The following HYAL4 variants were observed in gnomAD, a reference collection of about 807,000 sequenced individuals.
HYAL4 encodes the protein hyaluronidase-4.
A neutral mutation model predicts 35.2 loss-of-function variants in HYAL4; 37 were observed. That is an observed-to-expected ratio of 1.05 (90% CI 0.81 to 1.38). HYAL4 has a LOEUF of 1.38. Ranked by LOEUF, HYAL4 falls within the 40% of genes most tolerant of loss-of-function variation. The pLI is 0.00. For missense variants in HYAL4, 572 were observed against 572.4 expected (o/e 1.00, Z 0.01); for synonymous variants, 198 against 203.2 (o/e 0.97, Z 0.22).
chr7:123,833,266 G>A lies in HYAL4; in HGVS notation c.-257+4142G>A, dbSNP rs190217832. ...TATTATTTTTTGATTTTTTGATGACGGCCATTCTTGCAGGAGTAAGGTGGT... is the reference window on the plus strand; with the variant it reads ...TATTATTTTTTGATTTTTTGATGACAGCCATTCTTGCAGGAGTAAGGTGGT... On this transcript the variant is annotated intron_variant, in intron 1 of 4. Transcript: ENST00000489978. Among the ~76,000 whole-genome samples, 19 of 152,124 alleles carry A rather than the reference G, an allele frequency of 1.2e-4. No individual in the cohort carries two copies. In the East Asian group the frequency reaches 1.4e-3, roughly 11 times the overall value.
intron 1 of HYAL4, among the ~76,000 whole-genome samples, chr7:123,845,974 T>C (rs1390190171): frequency 6.6e-6 from 1 of 152,178 alleles, no homozygotes; most frequent in Admixed American, 6.5e-5. Context: ...GCACTGAGGG[T>C]TGTCTGCACA....
chr7:123,788,956 C>T, the HYAL4 span, among the ~76,000 whole-genome samples: 12 of 152,156 alleles, frequency 7.9e-5, no homozygotes, highest in Non-Finnish European at 8.8e-5. Context: ...ATATTCACCA[C>T]GAGACCACCA....
chr7:123,831,500 A>G (rs1459291752), intron 1 of HYAL4, among the ~76,000 whole-genome samples: 1 of 152,198 alleles, frequency 6.6e-6, no homozygotes, highest in Non-Finnish European at 1.5e-5. Flanking sequence ...GGTTTGGTTC[A>G]ACAACTTCTT....
chr7:123,828,427 T>TAC (rs34327472), upstream of HYAL4, among the ~76,000 whole-genome samples: 26,617 of 141,186 alleles, frequency 0.19, 2,585 homozygotes, highest in African/African-American at 0.27. Context: ...TGTTCATAAT[T>TAC]ACACACACAC....
chr7:123,803,526 C>T, the HYAL4 span, among the ~76,000 whole-genome samples: 33 of 152,108 alleles, frequency 2.2e-4, no homozygotes, highest in African/African-American at 7.7e-4. Flanking sequence ...TACACTATAC[C>T]GTCCTCCCAA....
the HYAL4 span, among the ~76,000 whole-genome samples, chr7:123,773,782 A>G: frequency 6.6e-6 from 1 of 152,220 alleles, no homozygotes; most frequent in Admixed American, 6.5e-5. Context: ...GGAATTTTTA[A>G]TTTTTCAGAT....
chr7:123,811,452 T>C, the HYAL4 span, among the ~76,000 whole-genome samples: 14 of 152,240 alleles, frequency 9.2e-5, no homozygotes, highest in Non-Finnish European at 4.4e-5. Context: ...CATATAATGT[T>C]GAGCATCTTT....
In HYAL4 at chr7:123,877,475, C is replaced by A; in HGVS notation, c.*320C>A. 1.0e-5 allele frequency: 2 copies of A among 193,672 alleles called. No individual in the cohort carries two copies. The highest frequency in any genetic ancestry group is 2.1e-5 in the Non-Finnish European group (2 of 94,002). 12.0% of individuals were successfully genotyped at this position (193,672 alleles called of 1,614,324 possible). ...CATAAAAATATTAAATTATTCATTT[C>A]AAAGACTGTTTTTTCAAGTTGGCAA... On this transcript the variant is annotated 3_prime_UTR_variant, in exon 5 of 5. Transcript: ENST00000223026.
intron 2 of HYAL4, among the ~76,000 whole-genome samples, chr7:123,852,549 A>G (rs1203655138): frequency 6.6e-6 from 1 of 152,108 alleles, no homozygotes; most frequent in Non-Finnish European, 1.5e-5. Context: ...AGATGGTTGT[A>G]CATGTGGTGT....
upstream of HYAL4, among the ~76,000 whole-genome samples, chr7:123,827,833 T>A (rs1805822315): frequency 6.6e-6 from 1 of 152,208 alleles, no homozygotes; most frequent in Non-Finnish European, 1.5e-5. Context: ...AATTGGTTTT[T>A]AATTATGAAT....
At chr7:123,860,264 T>C (rs1806548167) in intron 2 of HYAL4, among the ~76,000 whole-genome samples, 2 of 152,212 alleles carry the variant, frequency 1.3e-5, no homozygotes, top group South Asian at 2.1e-4. Flanking sequence ...TAAACCTCTT[T>C]CCTTTATAAA....
the HYAL4 span, among the ~76,000 whole-genome samples, chr7:123,778,037 T>C: frequency 6.6e-6 from 1 of 152,134 alleles, no homozygotes; most frequent in Admixed American, 6.6e-5. Context: ...GAAATAATTT[T>C]GTCATAGAAG....
At chr7:123,779,036 AAAAT>A in the HYAL4 span, among the ~76,000 whole-genome samples, 2 of 152,192 alleles carry the variant, frequency 1.3e-5, no homozygotes, top group Non-Finnish European at 2.9e-5. Flanking sequence ...TTGTTTTGGA[AAAAT>A]AAATATATTT....
chr7:123,857,481 C>T (rs868837397), intron 2 of HYAL4, among the ~76,000 whole-genome samples: 6 of 151,870 alleles, frequency 4.0e-5, no homozygotes, highest in African/African-American at 1.5e-4. Flanking sequence ...GATGCCCCAC[C>T]CTGCTTCTGC....
Position 123,877,228 on chromosome 7 carries a change from T to A in HYAL4, c.*73T>A, listed in dbSNP as rs1807053801. ...AAAGAAGGATGTAACTTATAACATT[T>A]TTTTTCTCTTATGAATTCTATTGAG... On this transcript the variant is annotated 3_prime_UTR_variant, in exon 5 of 5. Coordinates refer to ENST00000223026, the MANE Select transcript of HYAL4 (RefSeq NM_012269.3). 1.4e-6 allele frequency: 2 copies of A among 1,414,310 alleles called. No homozygotes were observed. Among genetic ancestry groups the A allele is most frequent in the Non-Finnish European group, 1.9e-6 (2 of 1,041,538 alleles). The allele number at this position is 1,414,310 out of a possible 1,614,324, so 87.6% of individuals were successfully genotyped here.
Position 123,874,855 on chromosome 7 carries a change from G to A in HYAL4, c.1044+5G>A. ...ATGAATTTAACTGCATCCAAGGTAA[G>A]TCAGTATCTTGAAGGTATATTTAAT... On this transcript the variant is annotated splice_donor_5th_base_variant and intron_variant, in intron 4 of 4. Coordinates refer to ENST00000223026, the MANE Select transcript of HYAL4 (RefSeq NM_012269.3). The A allele has an allele frequency of 2.0e-6, 3 of 1,489,816 alleles. No individual in the cohort carries two copies. The highest frequency in any genetic ancestry group is 2.8e-6 in the Non-Finnish European group (3 of 1,066,246). 92.3% of individuals were successfully genotyped at this position (1,489,816 alleles called of 1,614,324 possible).
At chr7:123,824,541 G>A (rs1353054537), upstream of HYAL4, among the ~76,000 whole-genome samples, 1 of 151,884 alleles carries the variant, frequency 6.6e-6, no homozygotes, top group Non-Finnish European at 1.5e-5. Context: ...CTGCAATTTG[G>A]TTACAGGAAA....
chr7:123,832,948 C>T (rs973765993), intron 1 of HYAL4, among the ~76,000 whole-genome samples: 6 of 152,100 alleles, frequency 3.9e-5, no homozygotes, highest in African/African-American at 1.4e-4. Flanking sequence ...CTTTTTAAGG[C>T]TGAATATTCC....
chr7:123,865,725 G>C (rs778933348), intron 2 of HYAL4, among the ~76,000 whole-genome samples: 8 of 152,154 alleles, frequency 5.3e-5, no homozygotes, highest in African/African-American at 1.9e-4. Context: ...GTGGTTAGAC[G>C]TGATAATTAC....
Sources: gnomAD v4.1 joint callset for allele counts (sites outside exome capture counted in the v4.1 genomes callset) on GRCh38, gnomAD v4.1.1 for gene constraint, MANE v1.5 for transcripts, NCBI Gene and HGNC (gene_info 2026-07-23, HGNC 2026-07-21) for gene names.